Variants in PHACTR2 observed in about 807,000 individuals in gnomAD.
PHACTR2 encodes the protein phosphatase and actin regulator 2, also known as chromosome 6 open reading frame 56.
A neutral mutation model predicts 76.0 loss-of-function variants in PHACTR2; 30 were observed. That is an observed-to-expected ratio of 0.39 (90% CI 0.30 to 0.54). The LOEUF is 0.54. PHACTR2 is among the 20% of genes least tolerant of loss of function. The pLI is 0.61. For synonymous variants in PHACTR2, 292 were observed against 292.5 expected (o/e 1.00, Z 0.02); for missense variants, 696 against 781.1 (o/e 0.89, Z 1.30).
chr6:143,720,095 C>A (rs150852240), intron 2 of PHACTR2, among the ~76,000 whole-genome samples: 2 of 152,108 alleles, frequency 1.3e-5, no homozygotes, highest in Admixed American at 1.3e-4. Context: ...TATAAGTGTG[C>A]GCCACTGTGC....
intron 12 of PHACTR2, among the ~76,000 whole-genome samples, chr6:143,815,808 C>T (rs1306622925): frequency 1.3e-5 from 2 of 150,868 alleles, no homozygotes; most frequent in African/African-American, 4.9e-5. Context: ...AGGAGAATCA[C>T]TTGAACCCGG....
chr6:143,723,695 G>A (rs981098666), intron 2 of PHACTR2, among the ~76,000 whole-genome samples: 1 of 151,880 alleles, frequency 6.6e-6, no homozygotes, highest in African/African-American at 2.4e-5. Flanking sequence ...CGTGGAGATC[G>A]AGAATAGCGG....
Position 143,713,677 on chromosome 6 carries a change from G to A in PHACTR2, c.214+1494G>A, listed in dbSNP as rs142178808. Reference sequence around the variant, plus strand: ...TCGGGTAGTTGAATGTGCTAAACTCGGAGGTGCTTCAGTTCCTGATTCTGT... The same window carrying A: ...TCGGGTAGTTGAATGTGCTAAACTCAGAGGTGCTTCAGTTCCTGATTCTGT... On this transcript the variant is annotated intron_variant, in intron 2 of 12. Transcript: ENST00000440869. 1.2e-4 allele frequency among the ~76,000 whole-genome samples: 19 copies of A among 152,238 alleles called. No homozygotes were observed. The South Asian group carries it at 2.7e-3, about 22-fold the overall frequency.
Position 143,678,122 on chromosome 6 carries a change from A to C in PHACTR2, c.-42A>C. 1 of 1,545,802 alleles carries C rather than the reference A, an allele frequency of 6.5e-7. No individual in the cohort carries two copies. The highest frequency in any genetic ancestry group is 1.2e-5 in the South Asian group (1 of 83,958). On this transcript the variant is annotated 5_prime_UTR_variant, in exon 1 of 13. Coordinates refer to ENST00000440869, the MANE Select transcript of PHACTR2 (RefSeq NM_001100164.2). The surrounding 1 kb of genome is among the most constrained non-coding windows in gnomAD (Gnocchi z 6.2). ...AGCGGACCCATGATCGAAGGACCAAAGGAGCCGCTTGATCGCTGGACCTGG... is the reference window on the plus strand; with the variant it reads ...AGCGGACCCATGATCGAAGGACCAACGGAGCCGCTTGATCGCTGGACCTGG...
intron 1 of PHACTR2, among the ~76,000 whole-genome samples, chr6:143,685,315 T>A (rs1777489282): frequency 6.6e-6 from 1 of 151,854 alleles, no homozygotes; most frequent in Non-Finnish European, 1.5e-5. Context: ...AATCATAAAG[T>A]TGAAAGAAAT....
intron 11 of PHACTR2, among the ~76,000 whole-genome samples, chr6:143,797,985 G>A (rs1162721996): frequency 1.3e-5 from 2 of 152,166 alleles, no homozygotes; most frequent in African/African-American, 2.4e-5. Flanking sequence ...AAATTACTTT[G>A]GGCAGTAAGG....
At chr6:143,594,481 T>G (rs1236023837) in intron 1 of PHACTR2, among the ~76,000 whole-genome samples, 2 of 152,242 alleles carry the variant, frequency 1.3e-5, no homozygotes, top group African/African-American at 4.8e-5. Context: ...TTGAGAGCTG[T>G]TCACCTGAAA....
At position 143,671,265 on chromosome 6, in the gene PHACTR2, G is replaced by T. The variant is rs1777149750; in HGVS notation, c.14-40751G>T. 6.6e-6 allele frequency among the ~76,000 whole-genome samples: 1 copy of T among 151,986 alleles called. No homozygotes were observed. The highest frequency in any genetic ancestry group is 1.5e-5 in the Non-Finnish European group (1 of 67,990). On this transcript the variant is annotated intron_variant, in intron 1 of 11. Transcript: ENST00000305766. The surrounding 1 kb of genome is among the most constrained non-coding windows in gnomAD (Gnocchi z 4.6). ...TATAGTTAACTGCAAGGTCCTATGT[G>T]GTTATAATCTCCTTCTCCTCATCTT...
intron 1 of PHACTR2, among the ~76,000 whole-genome samples, chr6:143,593,524 C>A (rs1775717293): frequency 6.6e-6 from 1 of 152,110 alleles, no homozygotes; most frequent in Non-Finnish European, 1.5e-5. Context: ...GATACATATT[C>A]TTTTCATATC....
At chr6:143,574,061 G>A (rs905181758) in intron 1 of PHACTR2, among the ~76,000 whole-genome samples, 1 of 152,188 alleles carries the variant, frequency 6.6e-6, no homozygotes, top group African/African-American at 2.4e-5. Flanking sequence ...GCTGGGCTGT[G>A]TTCTCATCTG....
In PHACTR2 at chr6:143,710,966, A is replaced by G. The variant is rs1007038035; in HGVS notation, c.47-1050A>G. The stretch of plus-strand genomic sequence containing the variant: ...GTTATTATTTTTGACGGACATCAGT[A>G]CACTTCACCTCTAAACACTTCAGCA... On this transcript the variant is annotated intron_variant, in intron 1 of 12. Coordinates refer to ENST00000440869, the MANE Select transcript of PHACTR2 (RefSeq NM_001100164.2). The surrounding 1 kb of genome is among the most constrained non-coding windows in gnomAD (Gnocchi z 4.9). 2.2e-5 allele frequency: 11 copies of G among 496,952 alleles called. No individual in the cohort carries two copies. The highest frequency in any genetic ancestry group is 3.6e-5 in the Non-Finnish European group (9 of 250,356). 30.8% of individuals were successfully genotyped at this position (496,952 alleles called of 1,614,324 possible).
rs1779413601 is a variant in PHACTR2 at position 143,760,527 on chromosome 6, C to T, written c.581C>T (p.Ala194Val). 6.2e-7 allele frequency: 1 copy of T among 1,613,888 alleles called. No homozygotes were observed. The highest frequency in any genetic ancestry group is 2.2e-5 in the East Asian group (1 of 44,860). Residue 194 changes from alanine to valine, a missense_variant, in exon 5 of 13, where the codon GCC (alanine) becomes GTC (valine). Around this residue, in one of 2 missense-constraint regions of PHACTR2, gnomAD observed 460 missense variants for 450.9 expected, o/e 1.02. Transcript: ENST00000440869. The surrounding 1 kb of genome is among the most constrained non-coding windows in gnomAD (Gnocchi z 6.4). ...CCTCCGAAAGGGGCCACTGCTGGGG[C>T]CAGCCACAAAGGTGATGAAGTGCCT... ...PVPPKGATAG[A>V]SHKGDEVPPI... is the part of the protein sequence containing the mutation.
chr6:143,763,717 A>C (rs1330473235), intron 5 of PHACTR2, among the ~76,000 whole-genome samples: 2 of 152,214 alleles, frequency 1.3e-5, no homozygotes, highest in African/African-American at 4.8e-5. Context: ...TAATCAGAAT[A>C]AATGAAGTCT....
intron 1 of PHACTR2, among the ~76,000 whole-genome samples, chr6:143,705,506 A>G (rs1474698971): frequency 1.3e-5 from 2 of 151,834 alleles, no homozygotes; most frequent in Non-Finnish European, 2.9e-5. Context: ...ATGTTAGCCA[A>G]GATGGTCTCG....
chr6:143,739,353 G>A lies in PHACTR2; in HGVS notation c.215-9632G>A, dbSNP rs1397534545. On this transcript the variant is annotated intron_variant, in intron 2 of 12. Transcript: ENST00000440869. This position sits in a 1 kb window ranked among gnomAD's most constrained non-coding sequence, Gnocchi z 4.3. ...GCTGGGATTACAGGTGTGAGCCACC[G>A]CACCCGGCTGCGAGATTCACTTTAA... Among the ~76,000 whole-genome samples, 2 of 152,156 alleles carry A rather than the reference G, an allele frequency of 1.3e-5. No individual in the cohort carries two copies. The highest frequency in any genetic ancestry group is 2.4e-5 in the African/African-American group (1 of 41,422).
At chr6:143,713,160 A>C (rs2128461259) in intron 2 of PHACTR2, among the ~76,000 whole-genome samples, 1 of 152,342 alleles carries the variant, frequency 6.6e-6, no homozygotes, top group Non-Finnish European at 1.5e-5. Context: ...CTGTGAAATG[A>C]AATTAAAAAT....
chr6:143,622,670 G>A (rs1369590181), intron 1 of PHACTR2, among the ~76,000 whole-genome samples: 1 of 152,186 alleles, frequency 6.6e-6, no homozygotes, highest in Non-Finnish European at 1.5e-5. Context: ...GATGCAAAAT[G>A]CAGCTTAATG....
In PHACTR2 at chr6:143,689,047, G is replaced by A. The variant is rs767812179; in HGVS notation, c.46+10838G>A. ...CCTTTTTCAGTCCTCAAACAAGCCT[G>A]GATCAGTCCCACCCATGGACCTTGG... On this transcript the variant is annotated intron_variant, in intron 1 of 12. Coordinates refer to ENST00000440869, the MANE Select transcript of PHACTR2 (RefSeq NM_001100164.2). This position sits in a 1 kb window ranked among gnomAD's most constrained non-coding sequence, Gnocchi z 4.4. Among the ~76,000 whole-genome samples, 20 of 152,082 alleles carry A rather than the reference G, an allele frequency of 1.3e-4. No homozygotes were observed. The highest frequency in any genetic ancestry group is 2.6e-4 in the Admixed American group (4 of 15,268).
intron 2 of PHACTR2, among the ~76,000 whole-genome samples, chr6:143,716,508 G>A (rs995717331): frequency 6.6e-6 from 1 of 152,128 alleles, no homozygotes; most frequent in Admixed American, 6.5e-5. Context: ...GTACTTTTCT[G>A]CTGTACTTTT....
Sources: gnomAD v4.1 joint callset for allele counts (sites outside exome capture counted in the v4.1 genomes callset) on GRCh38, gnomAD v4.1.1 for gene constraint, gnomAD v4.1.1 regional missense constraint, Gnocchi (gnomAD v3.1) non-coding constraint, MANE v1.5 for transcripts, NCBI Gene and HGNC (gene_info 2026-07-23, HGNC 2026-07-21) for gene names.